The following CHCHD6 variants were observed in gnomAD, a reference collection of about 807,000 sequenced individuals.
The protein encoded by CHCHD6 is coiled-coil-helix-coiled-coil-helix domain containing 6.
A neutral mutation model predicts 32.3 loss-of-function variants in CHCHD6; 28 were observed. The ratio of observed to expected loss-of-function variants is 0.87; its 90% confidence interval spans 0.64 to 1.19. The LOEUF is 1.19. CHCHD6 is among the 50% of genes most tolerant of loss of function. The probability of loss-of-function intolerance (pLI) is 0.00; values close to 1 mark genes in which losing one functional copy is unlikely to be tolerated. For missense variants in CHCHD6, 333 were observed against 307.0 expected (o/e 1.08, Z -0.63); for synonymous variants, 122 against 117.5 (o/e 1.04, Z -0.25).
At chr3:126,915,931 C>T (rs1308869448) in intron 6 of CHCHD6, among the ~76,000 whole-genome samples, 3 of 151,720 alleles carry the variant, frequency 2.0e-5, no homozygotes, top group Non-Finnish European at 4.4e-5. Context: ...ACTGAGACCA[C>T]AGGCATGTGC....
intron 4 of CHCHD6, among the ~76,000 whole-genome samples, chr3:126,742,898 C>A (rs1430351928): frequency 6.6e-6 from 1 of 152,130 alleles, no homozygotes; most frequent in Non-Finnish European, 1.5e-5. Flanking sequence ...TGGAAGAAAT[C>A]CTGTTTTTCC....
chr3:126,948,755 A>G (rs1189933882), intron 6 of CHCHD6, among the ~76,000 whole-genome samples: 1 of 152,230 alleles, frequency 6.6e-6, no homozygotes, highest in Non-Finnish European at 1.5e-5. Flanking sequence ...AGTGGAACAT[A>G]TAGGTTTGTG....
At chr3:126,927,268 C>G (rs2078337637) in intron 6 of CHCHD6, among the ~76,000 whole-genome samples, 1 of 152,206 alleles carries the variant, frequency 6.6e-6, no homozygotes, top group South Asian at 2.1e-4. Flanking sequence ...TGAACATGAG[C>G]ATCAGGAGCG....
At chr3:126,827,093 T>C (rs1940427544) in intron 4 of CHCHD6, among the ~76,000 whole-genome samples, 1 of 152,156 alleles carries the variant, frequency 6.6e-6, no homozygotes, top group Admixed American at 6.5e-5. Flanking sequence ...TGTCAAAGGA[T>C]GCCAAAGAAG....
chr3:126,755,102 G>T (rs1936900097), intron 4 of CHCHD6, among the ~76,000 whole-genome samples: 3 of 152,232 alleles, frequency 2.0e-5, no homozygotes, highest in Admixed American at 2.0e-4. Flanking sequence ...GAGGGCAGAG[G>T]AAAGTGGATT....
intron 4 of CHCHD6, among the ~76,000 whole-genome samples, chr3:126,847,136 T>C (rs1941321971): frequency 6.6e-6 from 1 of 152,210 alleles, no homozygotes; most frequent in African/African-American, 2.4e-5. Context: ...AAACATTTAT[T>C]ATCTTGTGGT....
At chr3:126,754,869 C>A (rs567768503) in intron 4 of CHCHD6, among the ~76,000 whole-genome samples, 1 of 152,282 alleles carries the variant, frequency 6.6e-6, no homozygotes, top group East Asian at 1.9e-4. Flanking sequence ...TCTCTCAGAA[C>A]GTCTCCAGGC....
At chr3:126,830,866 C>A (rs1274717745) in intron 4 of CHCHD6, among the ~76,000 whole-genome samples, 1 of 152,156 alleles carries the variant, frequency 6.6e-6, no homozygotes, top group East Asian at 1.9e-4. Flanking sequence ...GGCTCACCTG[C>A]CTTTTCTGGC....
At chr3:126,780,794 A>C (rs1576407533) in intron 4 of CHCHD6, among the ~76,000 whole-genome samples, 1 of 152,214 alleles carries the variant, frequency 6.6e-6, no homozygotes, top group East Asian at 1.9e-4. Context: ...CAACTATCAG[A>C]GGCTTAACAG....
chr3:126,922,052 A>G (rs975827414), intron 6 of CHCHD6, among the ~76,000 whole-genome samples: 1 of 152,266 alleles, frequency 6.6e-6, no homozygotes, highest in African/African-American at 2.4e-5. Context: ...AACGTTTTCT[A>G]TGCAGAAATT....
chr3:126,909,798 C>T (rs1017233547), intron 5 of CHCHD6, among the ~76,000 whole-genome samples: 4 of 152,076 alleles, frequency 2.6e-5, no homozygotes, highest in Admixed American at 6.5e-5. Context: ...TGTGAGAATT[C>T]GGTAGAGCGC....
intron 6 of CHCHD6, among the ~76,000 whole-genome samples, chr3:126,932,623 G>A (rs1046712026): frequency 6.6e-6 from 1 of 152,216 alleles, no homozygotes; most frequent in Non-Finnish European, 1.5e-5. Context: ...CCTGCAGAGA[G>A]CCTGAGCCCT....
chr3:126,906,613 G>A lies in CHCHD6; in HGVS notation c.496-8067G>A, dbSNP rs1043949535. 4.6e-5 allele frequency among the ~76,000 whole-genome samples: 7 copies of A among 152,308 alleles called. No individual in the cohort carries two copies. The East Asian group carries it at 7.7e-4, about 17-fold the overall frequency. On this transcript the variant is annotated intron_variant, in intron 5 of 7. Transcript: ENST00000290913. ...TTCGGACTTCTGCCCAGTGTCAGCC[G>A]GGGGTCGGGGAGGGATGAGCCTTCC...
intron 4 of CHCHD6, among the ~76,000 whole-genome samples, chr3:126,850,268 A>G (rs1490479925): frequency 6.6e-6 from 1 of 152,186 alleles, no homozygotes; most frequent in Non-Finnish European, 1.5e-5. Flanking sequence ...GTTTTCATTC[A>G]AGTGGGAGGC....
At chr3:126,791,675 T>C (rs1393335669) in intron 4 of CHCHD6, among the ~76,000 whole-genome samples, 1 of 152,248 alleles carries the variant, frequency 6.6e-6, no homozygotes, top group East Asian at 1.9e-4. Context: ...AATGGCACGA[T>C]CTTGGCTCAC....
intron 1 of CHCHD6, among the ~76,000 whole-genome samples, chr3:126,711,184 G>T (rs1934731888): frequency 6.6e-6 from 1 of 152,066 alleles, no homozygotes; most frequent in South Asian, 2.1e-4. Context: ...TTTCATGATA[G>T]TGTCTGCTCA....
At chr3:126,734,499 A>G (rs898956858) in intron 4 of CHCHD6, among the ~76,000 whole-genome samples, 1 of 152,198 alleles carries the variant, frequency 6.6e-6, no homozygotes, top group African/African-American at 2.4e-5. Context: ...TAGCTTACTA[A>G]TTTGATGACT....
At chr3:126,863,299 TCCTCCTCCTCCTCCATCACCA>T (rs1464893911) in intron 5 of CHCHD6, among the ~76,000 whole-genome samples, 15 of 127,156 alleles carry the variant, frequency 1.2e-4, no homozygotes, top group Non-Finnish European at 1.7e-4. Context: ...CACCACCTCC[TCCTCCTCCTCCTCCATCACCA>T]CCTCCTCCTC....
At chr3:126,726,230 C>G (rs1156638303) in intron 1 of CHCHD6, among the ~76,000 whole-genome samples, 4 of 152,004 alleles carry the variant, frequency 2.6e-5, no homozygotes, top group Non-Finnish European at 5.9e-5. Context: ...TTTGTTGTGT[C>G]TCAGGGGATA....
Sources: gnomAD v4.1 joint callset for allele counts (sites outside exome capture counted in the v4.1 genomes callset) on GRCh38, gnomAD v4.1.1 for gene constraint, MANE v1.5 for transcripts, NCBI Gene and HGNC (gene_info 2026-07-23, HGNC 2026-07-21) for gene names.